Variants in HVCN1 observed in about 807,000 individuals in gnomAD.
The protein encoded by HVCN1 is hydrogen voltage gated channel 1.
HVCN1 carries 14 observed loss-of-function variants against 29.2 expected under a neutral mutation model. The observed-to-expected ratio is 0.48, with a 90% CI of 0.32 to 0.75. The LOEUF (loss-of-function observed/expected upper bound fraction) is 0.75. Among genes scored for constraint, HVCN1 ranks in the 30% least tolerant of loss-of-function variants. The pLI, the probability that HVCN1 is intolerant of heterozygous loss-of-function variation, is 0.04. For synonymous variants in HVCN1, 131 were observed against 133.2 expected (o/e 0.98, Z 0.11); for missense variants, 263 against 341.8 (o/e 0.77, Z 1.82).
In HVCN1 at chr12:110,661,383, C is replaced by T. The variant is rs140466298; in HGVS notation, c.87G>A (p.Thr29=). 6.6e-5 allele frequency: 107 copies of T among 1,614,192 alleles called. No homozygotes were observed. Among genetic ancestry groups the T allele is most frequent in the African/African-American group, 4.3e-4 (32 of 75,050 alleles). ...AGGCATGGTAGTCGTCTCCCACGAC[C>T]GTGAAGTGCCTTAAGAACTTGCTCA... The part of the protein sequence containing the change: ...ERMSKFLRHF[T]VVGDDYHAWN... Residue 29 remains threonine, a synonymous_variant, in exon 4 of 8, where the codon ACG becomes ACA. Transcript: ENST00000242607. The surrounding 1 kb of genome is among the most constrained non-coding windows in gnomAD (Gnocchi z 6.2).
chr12:110,666,628 G>A (rs1012892278), intron 3 of HVCN1, among the ~76,000 whole-genome samples: 2 of 151,968 alleles, frequency 1.3e-5, no homozygotes, highest in Admixed American at 1.3e-4. Flanking sequence ...CAGCCTCCTC[G>A]CCACACTCCA....
At chr12:110,665,833 C>G (rs1341896856) in intron 3 of HVCN1, among the ~76,000 whole-genome samples, 1 of 151,792 alleles carries the variant, frequency 6.6e-6, no homozygotes, top group African/African-American at 2.4e-5. Flanking sequence ...GTGGAGAAAC[C>G]CCATCTCTAC....
chr12:110,692,196 C>G (rs75453388), upstream of HVCN1, among the ~76,000 whole-genome samples: 4,662 of 152,188 alleles, frequency 0.031, 241 homozygotes, highest in African/African-American at 0.11. Context: ...CACTGATGAG[C>G]TCAGTCAATG....
At chr12:110,689,324 G>A (rs555746314), upstream of HVCN1, 65 of 152,368 alleles carry the variant, frequency 4.3e-4, no homozygotes, top group African/African-American at 1.5e-3. The surrounding 1 kb of genome is among the most constrained non-coding windows in gnomAD (Gnocchi z 5.7). Context: ...CCCTCACCCC[G>A]GCTGCCTCCC....
At chr12:110,691,478 TC>T (rs1253695563), upstream of HVCN1, among the ~76,000 whole-genome samples, 2 of 152,124 alleles carry the variant, frequency 1.3e-5, no homozygotes, top group African/African-American at 2.4e-5. Flanking sequence ...AACTTCAACT[TC>T]CTTATATTTT....
At chr12:110,666,897 G>A (rs1277691605) in intron 3 of HVCN1, among the ~76,000 whole-genome samples, 4 of 152,122 alleles carry the variant, frequency 2.6e-5, no homozygotes, top group Admixed American at 6.5e-5. Flanking sequence ...GTTATGTGCA[G>A]CCACATATTT....
intron 4 of HVCN1, among the ~76,000 whole-genome samples, chr12:110,657,891 T>C (rs2068041576): frequency 6.6e-6 from 1 of 152,208 alleles, no homozygotes; most frequent in Non-Finnish European, 1.5e-5. Context: ...CGGCCAGTCC[T>C]GGGCTCAGCT....
intron 3 of HVCN1, among the ~76,000 whole-genome samples, chr12:110,666,984 C>T (rs182308426): frequency 1.3e-5 from 2 of 152,288 alleles, no homozygotes; most frequent in East Asian, 3.9e-4. Context: ...TGACCTTGAG[C>T]AGAAGCCCAT....
At position 110,668,276 on chromosome 12, in the gene HVCN1, C is replaced by T. The variant is rs1032985353; in HGVS notation, c.22-6828G>A. The stretch of plus-strand genomic sequence containing the variant: ...CAGCACTTTGGGAGGCCAAGATGGG[C>T]AGATCACTTCAGGTCAAGAGTTTGA... On this transcript the variant is annotated intron_variant, in intron 3 of 7. Transcript: ENST00000242607. 3.3e-5 allele frequency among the ~76,000 whole-genome samples: 5 copies of T among 152,110 alleles called. 1 individual carries two copies. The highest frequency in any genetic ancestry group is 4.4e-5 in the Non-Finnish European group (3 of 68,022).
chr12:110,670,542 C>G (rs1235558739), intron 3 of HVCN1, among the ~76,000 whole-genome samples: 1 of 152,206 alleles, frequency 6.6e-6, no homozygotes, highest in African/African-American at 2.4e-5. Flanking sequence ...CAATTCCTAA[C>G]AACCCTGAGG....
At chr12:110,663,957 C>T (rs1236552681) in intron 3 of HVCN1, among the ~76,000 whole-genome samples, 1 of 152,120 alleles carries the variant, frequency 6.6e-6, no homozygotes, top group Non-Finnish European at 1.5e-5. Context: ...TCTCACTTGT[C>T]ACCCAGGCTA....
At chr12:110,659,341 C>A (rs914843347) in intron 4 of HVCN1, among the ~76,000 whole-genome samples, 7 of 152,034 alleles carry the variant, frequency 4.6e-5, no homozygotes, top group Admixed American at 2.0e-4. Context: ...TAATTTTTTT[C>A]TCTTTTACCC....
Position 110,655,100 on chromosome 12 carries a change from G to A in HVCN1, c.411+134C>T, listed in dbSNP as rs568780058. 1.1e-4 allele frequency: 66 copies of A among 609,080 alleles called. No individual in the cohort carries two copies. The South Asian group carries it at 1.2e-3, about 11-fold the overall frequency. The allele number at this position is 609,080 out of a possible 1,614,324, so 37.7% of individuals were successfully genotyped here. On this transcript the variant is annotated intron_variant, in intron 5 of 7. Coordinates refer to ENST00000242607, the MANE Select transcript of HVCN1 (RefSeq NM_032369.4). ...TAATCCATATTCTGGAAAGGAAGAC[G>A]AAAACACCTATCAAACTACCACAGA...
intron 4 of HVCN1, among the ~76,000 whole-genome samples, chr12:110,657,944 T>A (rs2068043294): frequency 6.6e-6 from 1 of 152,188 alleles, no homozygotes; most frequent in African/African-American, 2.4e-5. Flanking sequence ...CATCTCTCAA[T>A]GCTGGAAGCT....
At chr12:110,650,392 G>A (rs2067749159) in intron 6 of HVCN1, 112 bp from the exon 7 acceptor site, 5 of 652,676 alleles carry the variant, frequency 7.7e-6, no homozygotes, top group Admixed American at 2.3e-5. Flanking sequence ...ACAGACACGC[G>A]AGACAGTCAT....
chr12:110,663,758 G>A (rs1019258013), intron 3 of HVCN1, among the ~76,000 whole-genome samples: 5 of 151,906 alleles, frequency 3.3e-5, no homozygotes, highest in African/African-American at 9.7e-5. Context: ...GTACCCACTC[G>A]GCAGCACTGA....
At chr12:110,655,377 C>T (rs1404376988) in intron 4 of HVCN1, 39 bp from the exon 5 acceptor site, 1 of 1,439,650 alleles carries the variant, frequency 6.9e-7, no homozygotes, top group Admixed American at 1.7e-5. Context: ...CATGAGACCC[C>T]CACAGAGGCC....
chr12:110,695,262 A>G lies in HVCN1; in HGVS notation c.-103-6554T>C, dbSNP rs572879925. ...TGTCTCTACATACATATATGTATAT[A>G]CACACACACACATATATATACACAC... On this transcript the variant is annotated intron_variant, in intron 2 of 4. Transcript: ENST00000546713. Among the ~76,000 whole-genome samples, 528 of 120,128 alleles carry G rather than the reference A, an allele frequency of 4.4e-3. 3 individuals are homozygous for G. The highest frequency in any genetic ancestry group is 6.5e-3 in the Non-Finnish European group (361 of 55,314). The allele number at this position is 120,128 out of a possible 152,430, so 78.8% of individuals were successfully genotyped here. A position where few individuals can be genotyped will look rare whatever the true frequency, so the allele number is the denominator to read the frequency against.
chr12:110,685,646 C>T (rs1011550111), intron 2 of HVCN1, among the ~76,000 whole-genome samples: 3 of 151,964 alleles, frequency 2.0e-5, no homozygotes, highest in Admixed American at 6.6e-5. Flanking sequence ...CCCACCCCAG[C>T]GCTTCCATAA....
Sources: gnomAD v4.1 joint callset for allele counts (sites outside exome capture counted in the v4.1 genomes callset) on GRCh38, gnomAD v4.1.1 for gene constraint, Gnocchi (gnomAD v3.1) non-coding constraint, MANE v1.5 for transcripts, NCBI Gene and HGNC (gene_info 2026-07-23, HGNC 2026-07-21) for gene names.